DCC: variants seen among roughly 807,000 people sequenced by gnomAD.
DCC encodes the protein netrin receptor DCC.
A neutral mutation model predicts 172.5 loss-of-function variants in DCC; 58 were observed. The observed-to-expected ratio is 0.34, with a 90% confidence interval of 0.27 to 0.42. The LOEUF (loss-of-function observed/expected upper bound fraction) is 0.42, where lower values mean the gene tolerates loss of function less well. Among genes scored for constraint, DCC ranks in the 10% least tolerant of loss-of-function variants. The pLI is 1.00. For missense variants in DCC, 1,740 were observed against 1,791.0 expected (o/e 0.97, Z 0.51); for synonymous variants, 709 against 644.5 (o/e 1.10, Z -1.52).
intron 7 of DCC, among the ~76,000 whole-genome samples, chr18:53,068,906 A>G (rs1165517043): frequency 6.6e-6 from 1 of 151,894 alleles, no homozygotes; most frequent in African/African-American, 2.4e-5. Flanking sequence ...GTGTCTGAGG[A>G]AGCTGAGAGA....
chr18:53,132,986 A>G (rs186569578), intron 7 of DCC, among the ~76,000 whole-genome samples: 6 of 152,342 alleles, frequency 3.9e-5, no homozygotes, highest in Non-Finnish European at 7.3e-5. Flanking sequence ...CTAGAGCTAT[A>G]TGAAGCAGAA....
intron 1 of DCC, among the ~76,000 whole-genome samples, chr18:52,670,337 C>A (rs77493404): frequency 0.014 from 2,133 of 152,160 alleles, 42 homozygotes; most frequent in East Asian, 0.095. Flanking sequence ...CAGTGTTACC[C>A]CTGGAAATGA....
intron 7 of DCC, among the ~76,000 whole-genome samples, chr18:53,134,027 G>A (rs2043699806): frequency 1.3e-5 from 2 of 152,144 alleles, no homozygotes; most frequent in African/African-American, 2.4e-5. Flanking sequence ...AGTCAGATGG[G>A]GTGGGATATG....
Position 53,117,954 on chromosome 18 carries a change from A to G in DCC, c.1262-39402A>G, listed in dbSNP as rs139106610. On this transcript the variant is annotated intron_variant, in intron 7 of 28. Coordinates refer to ENST00000442544, the MANE Select transcript of DCC (RefSeq NM_005215.4). ...ATTCTTCTTGTCTTATGGGCCACAC[A>G]AAACAGGCAGCCAGATGGATTTGGT... Among the ~76,000 whole-genome samples the G allele has an allele frequency of 5.6e-3, 854 of 151,902 alleles. 6 individuals carry two copies. Among genetic ancestry groups the G allele is most frequent in the Admixed American group, 0.023 (348 of 15,200 alleles).
chr18:52,637,496 A>T (rs1215166792), intron 1 of DCC, among the ~76,000 whole-genome samples: 1 of 152,206 alleles, frequency 6.6e-6, no homozygotes, highest in Non-Finnish European at 1.5e-5. Flanking sequence ...GAAACTTTGG[A>T]GGCGCTTTTG....
chr18:52,810,279 C>A (rs991938571), intron 2 of DCC, among the ~76,000 whole-genome samples: 7 of 152,038 alleles, frequency 4.6e-5, no homozygotes, highest in African/African-American at 1.7e-4. Context: ...TCCAAACCAG[C>A]ACAGAGATAG....
At chr18:52,395,563 C>G (rs1218686869) in intron 1 of DCC, among the ~76,000 whole-genome samples, 1 of 152,022 alleles carries the variant, frequency 6.6e-6, no homozygotes. Context: ...GAAGATTTAT[C>G]AGTTGGAGTG....
At chr18:52,631,816 A>G (rs556611259) in intron 1 of DCC, among the ~76,000 whole-genome samples, 76 of 152,334 alleles carry the variant, frequency 5.0e-4, no homozygotes, top group African/African-American at 1.7e-3. Context: ...GAAGGACTCA[A>G]GGACTCAAGG....
At chr18:52,532,797 A>G (rs561837406) in intron 1 of DCC, among the ~76,000 whole-genome samples, 4 of 152,116 alleles carry the variant, frequency 2.6e-5, no homozygotes, top group Non-Finnish European at 5.9e-5. Context: ...TGGCTGAGAT[A>G]AAATTCACAT....
chr18:52,418,512 T>G (rs1987125835), intron 1 of DCC, among the ~76,000 whole-genome samples: 1 of 152,168 alleles, frequency 6.6e-6, no homozygotes, highest in Admixed American at 6.5e-5. Flanking sequence ...TATGGCCAAC[T>G]ATCTGGGAAG....
At chr18:52,633,789 T>C (rs1051347976) in intron 1 of DCC, among the ~76,000 whole-genome samples, 2 of 152,102 alleles carry the variant, frequency 1.3e-5, no homozygotes, top group African/African-American at 2.4e-5. Context: ...GTGCCAGATA[T>C]GTTAGAAGGT....
At chr18:52,523,356 T>C (rs1315987596) in intron 1 of DCC, among the ~76,000 whole-genome samples, 2 of 142,378 alleles carry the variant, frequency 1.4e-5, no homozygotes, top group South Asian at 2.1e-4. Context: ...TTCTGTACCA[T>C]GTTGTCAAAC....
At chr18:52,510,789 T>C (rs2031408043) in intron 1 of DCC, among the ~76,000 whole-genome samples, 2 of 152,298 alleles carry the variant, frequency 1.3e-5, no homozygotes, top group South Asian at 4.1e-4. Context: ...TGAAAGGGTC[T>C]TCCCAGAATC....
intron 1 of DCC, among the ~76,000 whole-genome samples, chr18:52,518,923 C>T (rs2031723221): frequency 6.6e-6 from 1 of 152,200 alleles, no homozygotes; most frequent in South Asian, 2.1e-4. Flanking sequence ...CCTGTCTAAG[C>T]ATTTGAGGTC....
At chr18:53,253,000 T>C (rs1005188369) in intron 12 of DCC, among the ~76,000 whole-genome samples, 1 of 152,006 alleles carries the variant, frequency 6.6e-6, no homozygotes, top group African/African-American at 2.4e-5. Context: ...TTATATTTCC[T>C]GACTCCTGAT....
At chr18:52,720,937 C>T (rs2036464781) in intron 1 of DCC, among the ~76,000 whole-genome samples, 1 of 152,134 alleles carries the variant, frequency 6.6e-6, no homozygotes, top group South Asian at 2.1e-4. Context: ...CAGATAATCA[C>T]CTTATAGAAG....
chr18:52,740,611 C>T (rs889970927), intron 1 of DCC, among the ~76,000 whole-genome samples: 5 of 152,132 alleles, frequency 3.3e-5, no homozygotes, highest in Non-Finnish European at 7.4e-5. Context: ...ATTAATCCTT[C>T]GTATTTGTAA....
intron 7 of DCC, among the ~76,000 whole-genome samples, chr18:53,096,518 G>T (rs1370921661): frequency 6.6e-6 from 1 of 152,104 alleles, no homozygotes; most frequent in African/African-American, 2.4e-5. Context: ...AGTTGTGCTG[G>T]CCTCTAGATT....
In DCC at chr18:52,374,219, A is replaced by G. The variant is rs573949305; in HGVS notation, c.91+33341A>G. ...TATTTTTTAATCTAGATTATCCTTTACAAACTTGCAGAGTTCACTGAGTAG... is the reference window on the plus strand; with the variant it reads ...TATTTTTTAATCTAGATTATCCTTTGCAAACTTGCAGAGTTCACTGAGTAG... On this transcript the variant is annotated intron_variant, in intron 1 of 28. Transcript: ENST00000442544. Among the ~76,000 whole-genome samples the G allele has an allele frequency of 2.0e-5, 3 of 152,154 alleles. No homozygotes were observed. In the East Asian group the frequency reaches 5.8e-4, roughly 29 times the overall value.
Sources: gnomAD v4.1 joint callset for allele counts (sites outside exome capture counted in the v4.1 genomes callset) on GRCh38, gnomAD v4.1.1 for gene constraint, MANE v1.5 for transcripts, NCBI Gene and HGNC (gene_info 2026-07-23, HGNC 2026-07-21) for gene names.